The following ALPK2 variants were observed in gnomAD, a reference collection of about 807,000 sequenced individuals.
The protein encoded by ALPK2 is alpha-protein kinase 2.
Under a neutral mutation model 163.1 loss-of-function variants are expected in ALPK2, and 127 were observed. The observed-to-expected ratio is 0.78, with a 90% CI of 0.67 to 0.90. The LOEUF (loss-of-function observed/expected upper bound fraction) is 0.90, where lower values mean the gene tolerates loss of function less well. Among genes scored for constraint, ALPK2 ranks in the 40% least tolerant of loss-of-function variants. ALPK2 has a pLI of 0.00. For missense variants in ALPK2, 2,360 were observed against 2,589.6 expected, an observed-to-expected ratio of 0.91 and a Z score of 1.92; for synonymous variants, 953 against 959.1, an observed-to-expected ratio of 0.99 and a Z score of 0.12.
intron 12 of ALPK2, among the ~76,000 whole-genome samples, chr18:58,483,192 G>A (rs1211343802): frequency 6.6e-6 from 1 of 152,158 alleles, no homozygotes; most frequent in Non-Finnish European, 1.5e-5. Context: ...TGAATCCCAT[G>A]GGGATAAACA....
chr18:58,512,987 TGTG>T (rs749854886), intron 10 of ALPK2, among the ~76,000 whole-genome samples: 3 of 145,780 alleles, frequency 2.1e-5, no homozygotes, highest in Non-Finnish European at 4.5e-5. Context: ...GTGGTGTGTG[TGTG>T]GTGTGTGTTG....
intron 10 of ALPK2, among the ~76,000 whole-genome samples, chr18:58,508,859 T>C (rs2051474633): frequency 6.6e-6 from 1 of 151,816 alleles, no homozygotes; most frequent in Non-Finnish European, 1.5e-5. Flanking sequence ...CCCTTTCCGG[T>C]AACAGCTCTA....
intron 4 of ALPK2, among the ~76,000 whole-genome samples, chr18:58,562,968 A>G (rs1250758386): frequency 6.6e-6 from 1 of 152,226 alleles, no homozygotes; most frequent in Non-Finnish European, 1.5e-5. Context: ...ACCTGCTAAT[A>G]GTATCACATT....
At chr18:58,624,049 C>A (rs1203691655) in intron 1 of ALPK2, among the ~76,000 whole-genome samples, 2 of 152,324 alleles carry the variant, frequency 1.3e-5, no homozygotes, top group African/African-American at 4.8e-5. Context: ...CATCACTCAG[C>A]AGCCTGGGGA....
Position 58,534,900 on chromosome 18 carries a change from T to A in ALPK2, c.5287A>T (p.Thr1763Ser). 1 of 1,614,118 alleles carries A rather than the reference T, an allele frequency of 6.2e-7. No individual in the cohort carries two copies. ...TTCTCTTCTGTGTGTGATAATGATGTTTCGAGTTTGGGCATCTTTTTAAGA... is the reference window on the plus strand; with the variant it reads ...TTCTCTTCTGTGTGTGATAATGATGATTCGAGTTTGGGCATCTTTTTAAGA... ...AFLKKMPKLE[T>S]SLSHTEEKQD... Residue 1763 changes from threonine (T) to serine (S), a missense_variant, in exon 5 of 13, where the codon ACA becomes TCA. By Grantham distance (58) the Thr-to-Ser change is moderately conservative (BLOSUM62 1). Transcript: ENST00000361673.
At chr18:58,513,087 G>GGT (rs1217731503) in intron 10 of ALPK2, among the ~76,000 whole-genome samples, 24 of 145,260 alleles carry the variant, frequency 1.7e-4, no homozygotes, top group African/African-American at 6.1e-4. Context: ...GTTTGTGTGT[G>GGT]GTGTGTGTGT....
chr18:58,620,008 C>A (rs569148075), intron 1 of ALPK2, among the ~76,000 whole-genome samples: 3 of 152,070 alleles, frequency 2.0e-5, no homozygotes, highest in Non-Finnish European at 4.4e-5. Context: ...ACTATGGATA[C>A]GGTGGGGCGC....
At chr18:58,593,941 C>A (rs1415422295) in intron 3 of ALPK2, among the ~76,000 whole-genome samples, 2 of 98,186 alleles carry the variant, frequency 2.0e-5, no homozygotes, top group Non-Finnish European at 3.9e-5. Flanking sequence ...CACCTCTTCC[C>A]CCAACCAAAA....
In ALPK2 at chr18:58,607,343, A is replaced by G. The variant is rs2052103278; in HGVS notation, c.206T>C (p.Ile69Thr). The change falls in exon 3 of 13, where the codon ATT (isoleucine) becomes ACT (threonine). Residue 69 changes from isoleucine to threonine, a missense_variant. Physicochemically the swap from Ile to Thr is moderately conservative, Grantham distance 89. Transcript: ENST00000361673. The part of the protein sequence containing the change: ...SNYEFFENQY[I>T]HVLHLSCCTK... ...TTACCAAGAGAGATGTAACACATGA[A>G]TATACTGATTCTCAAAGAATTCATA... The G allele has an allele frequency of 1.9e-6, 3 of 1,612,914 alleles. 1 individual carries two copies. The African/African-American group carries it at 4.0e-5, about 22-fold the overall frequency.
rs549407138 is a variant in ALPK2 at position 58,481,257 on chromosome 18, A to C, written c.*566T>G. ...ATACACATCTTACACTTTTTGTTTA[A>C]ATATGAATTTAATTAAACAGAAAAT... On this transcript the variant is annotated 3_prime_UTR_variant, in exon 13 of 13. Transcript: ENST00000361673. 160 of 156,848 alleles carry C rather than the reference A, an allele frequency of 1.0e-3. 1 individual carries two copies. Among genetic ancestry groups the C allele is most frequent in the African/African-American group, 3.8e-3 (156 of 41,578 alleles). The allele number at this position is 156,848 out of a possible 1,614,324, so 9.7% of individuals were successfully genotyped here.
chr18:58,563,806 A>G (rs536561864), intron 4 of ALPK2, among the ~76,000 whole-genome samples: 3 of 152,366 alleles, frequency 2.0e-5, no homozygotes, highest in African/African-American at 7.2e-5. Flanking sequence ...ACCATGCTAC[A>G]ATGAAAAGAC....
intron 3 of ALPK2, among the ~76,000 whole-genome samples, chr18:58,583,290 C>T (rs578227110): frequency 6.6e-6 from 1 of 152,100 alleles, no homozygotes; most frequent in East Asian, 1.9e-4. Context: ...CAGTGGTGGT[C>T]AGTTATGCCT....
At chr18:58,622,520 T>G (rs551041654) in intron 1 of ALPK2, among the ~76,000 whole-genome samples, 1 of 152,302 alleles carries the variant, frequency 6.6e-6, no homozygotes, top group Non-Finnish European at 1.5e-5. Context: ...TTCCATGTAC[T>G]GCATTGAAAG....
intron 11 of ALPK2, among the ~76,000 whole-genome samples, chr18:58,503,483 G>C (rs2051443882): frequency 1.3e-5 from 2 of 152,160 alleles, no homozygotes; most frequent in Non-Finnish European, 2.9e-5. Context: ...CTAGAGCCCA[G>C]TAGTTCGAGA....
intron 4 of ALPK2, among the ~76,000 whole-genome samples, chr18:58,557,707 TTTTGTC>T (rs369950866): frequency 0.047 from 3,487 of 74,344 alleles, 95 homozygotes; most frequent in African/African-American, 0.12. Flanking sequence ...TATATTTATA[TTTTGTC>T]ATTGGATTGT....
At chr18:58,532,522 G>C (rs1362968538) in intron 5 of ALPK2, among the ~76,000 whole-genome samples, 2 of 152,136 alleles carry the variant, frequency 1.3e-5, no homozygotes, top group Non-Finnish European at 2.9e-5. Context: ...CCGAGGCCCT[G>C]AGTTTTTCAG....
chr18:58,519,563 A>C (rs945585188), intron 8 of ALPK2, among the ~76,000 whole-genome samples: 1 of 152,236 alleles, frequency 6.6e-6, no homozygotes, highest in Admixed American at 6.5e-5. Context: ...TAGGAAGGAA[A>C]ATTTGTTTGT....
chr18:58,501,678 A>G (rs2051431970), intron 11 of ALPK2, among the ~76,000 whole-genome samples: 1 of 152,204 alleles, frequency 6.6e-6, no homozygotes, highest in South Asian at 2.1e-4. Flanking sequence ...GGACCCCTCT[A>G]CTTACTAGCT....
chr18:58,624,525 G>T (rs888611245), intron 1 of ALPK2, among the ~76,000 whole-genome samples: 2 of 151,902 alleles, frequency 1.3e-5, no homozygotes, highest in Non-Finnish European at 2.9e-5. Flanking sequence ...CACGATTTCG[G>T]GTCACTGCAA....
Sources: allele counts gnomAD v4.1 joint callset (sites outside exome capture counted in the v4.1 genomes callset), GRCh38; gene constraint gnomAD v4.1.1; transcripts MANE v1.5; gene names NCBI Gene and HGNC (gene_info 2026-07-23, HGNC 2026-07-21).